Variants in TRABD2B observed in about 807,000 individuals in gnomAD.
The protein encoded by TRABD2B is TraB domain containing 2B.
Under a neutral mutation model 40.1 loss-of-function variants are expected in TRABD2B, and 14 were observed. The ratio of observed to expected loss-of-function variants is 0.35; its 90% confidence interval spans 0.23 to 0.55. The LOEUF (loss-of-function observed/expected upper bound fraction) is 0.55, where lower values mean the gene tolerates loss of function less well. Ranked by LOEUF, TRABD2B falls within the 20% of genes least tolerant of loss-of-function variation. TRABD2B has a pLI of 0.90. For missense variants in TRABD2B, 541 were observed against 648.6 expected (o/e 0.83, Z 1.80); for synonymous variants, 263 against 277.0 (o/e 0.95, Z 0.50).
intron 2 of TRABD2B, among the ~76,000 whole-genome samples, chr1:47,821,467 A>G (rs1387835019): frequency 2.0e-5 from 3 of 152,232 alleles, no homozygotes; most frequent in Non-Finnish European, 4.4e-5. Flanking sequence ...AGCAGAAATG[A>G]ATAGCCCCAA....
intron 2 of TRABD2B, among the ~76,000 whole-genome samples, chr1:47,804,250 T>C (rs1052251285): frequency 6.6e-6 from 1 of 152,216 alleles, no homozygotes; most frequent in African/African-American, 2.4e-5. Flanking sequence ...AAATCTGATA[T>C]GTAGCCATCT....
At chr1:47,961,637 G>T (rs1645517545) in intron 2 of TRABD2B, among the ~76,000 whole-genome samples, 1 of 152,176 alleles carries the variant, frequency 6.6e-6, no homozygotes, top group Admixed American at 6.5e-5. Flanking sequence ...GGCCATCAGA[G>T]AAATGCAAAT....
intron 2 of TRABD2B, among the ~76,000 whole-genome samples, chr1:47,868,008 G>C (rs1024135541): frequency 2.6e-5 from 4 of 152,146 alleles, no homozygotes; most frequent in African/African-American, 7.2e-5. Flanking sequence ...TGTTTGAAAG[G>C]GGTAGGAGGT....
chr1:47,965,943 C>T (rs551635377), intron 2 of TRABD2B, among the ~76,000 whole-genome samples: 2 of 152,156 alleles, frequency 1.3e-5, no homozygotes, highest in South Asian at 2.1e-4. Context: ...GCAGCAGACA[C>T]CCCTCACTGT....
chr1:47,768,729 G>T (rs573854333), intron 6 of TRABD2B, among the ~76,000 whole-genome samples: 32 of 152,316 alleles, frequency 2.1e-4, no homozygotes, highest in African/African-American at 7.2e-4. Context: ...GCTAGAAGAG[G>T]TTGGCTATTT....
intron 2 of TRABD2B, among the ~76,000 whole-genome samples, chr1:47,825,438 C>T (rs556590528): frequency 6.6e-6 from 1 of 152,314 alleles, no homozygotes; most frequent in East Asian, 1.9e-4. Flanking sequence ...TCATGAGTCT[C>T]CCAAGACCCC....
At chr1:47,889,429 GCTTGT>G (rs1205421556) in intron 2 of TRABD2B, among the ~76,000 whole-genome samples, 3 of 152,218 alleles carry the variant, frequency 2.0e-5, no homozygotes, top group African/African-American at 7.2e-5. Flanking sequence ...ACGGTATGTG[GCTTGT>G]CATGTCACAT....
chr1:47,948,178 C>T (rs1645286376), intron 2 of TRABD2B, among the ~76,000 whole-genome samples: 1 of 152,076 alleles, frequency 6.6e-6, no homozygotes, highest in South Asian at 2.1e-4. Context: ...CTAATAGGCT[C>T]TGGGACAGTG....
Position 47,930,639 on chromosome 1 carries a change from A to G in TRABD2B, c.666+63395T>C, listed in dbSNP as rs144086055. Among the ~76,000 whole-genome samples, 104 of 152,262 alleles carry G rather than the reference A, an allele frequency of 6.8e-4. 1 individual carries two copies. The highest frequency in any genetic ancestry group is 2.5e-3 in the African/African-American group (102 of 41,552). On this transcript the variant is annotated intron_variant, in intron 2 of 6. Transcript: ENST00000606738. The stretch of plus-strand genomic sequence containing the variant: ...TATAGTTGGCAACAAACAGGTGGAG[A>G]CTAATTTTGCCTTCATCCTCTGGTC...
intron 2 of TRABD2B, among the ~76,000 whole-genome samples, chr1:47,903,235 T>C (rs940391230): frequency 5.3e-5 from 8 of 152,142 alleles, no homozygotes; most frequent in Non-Finnish European, 1.0e-4. Context: ...CAAATTGCCT[T>C]GGGGCTTCTA....
chr1:47,803,738 G>T (rs3862274), intron 2 of TRABD2B, among the ~76,000 whole-genome samples: 103,234 of 152,120 alleles, frequency 0.68, 35,576 homozygotes, highest in East Asian at 0.98. Flanking sequence ...GAATTGTGTC[G>T]TGTTCATTTT....
chr1:47,974,290 C>T (rs1006246265), intron 2 of TRABD2B, among the ~76,000 whole-genome samples: 1 of 152,136 alleles, frequency 6.6e-6, no homozygotes, highest in Admixed American at 6.5e-5. Flanking sequence ...TACATCCTTT[C>T]TGTCCCTTAA....
At chr1:47,980,659 A>C (rs1030135349) in intron 2 of TRABD2B, among the ~76,000 whole-genome samples, 4 of 152,192 alleles carry the variant, frequency 2.6e-5, no homozygotes, top group Non-Finnish European at 5.9e-5. Flanking sequence ...GAAGCATCCC[A>C]GCCATCTAGA....
chr1:47,821,872 A>G (rs951870647), intron 2 of TRABD2B, among the ~76,000 whole-genome samples: 1 of 152,090 alleles, frequency 6.6e-6, no homozygotes, highest in African/African-American at 2.4e-5. Context: ...GCAGATGCAG[A>G]CATTTGAGGA....
At chr1:47,983,511 C>A (rs1029460978) in intron 2 of TRABD2B, among the ~76,000 whole-genome samples, 27 of 152,208 alleles carry the variant, frequency 1.8e-4, no homozygotes. Flanking sequence ...CAGTCAAGGT[C>A]AAGCACAATG....
chr1:47,876,500 A>G (rs1644227148), intron 2 of TRABD2B, among the ~76,000 whole-genome samples: 1 of 152,172 alleles, frequency 6.6e-6, no homozygotes, highest in African/African-American at 2.4e-5. Flanking sequence ...TAGCTGGGAG[A>G]CAGACTAAGT....
intron 2 of TRABD2B, among the ~76,000 whole-genome samples, chr1:47,814,596 C>T (rs1284537173): frequency 6.6e-6 from 1 of 152,222 alleles, no homozygotes; most frequent in Non-Finnish European, 1.5e-5. Context: ...ACTGCCCCCG[C>T]TCTCCTTCCC....
intron 2 of TRABD2B, among the ~76,000 whole-genome samples, chr1:47,879,472 C>G (rs996202009): frequency 6.6e-6 from 1 of 152,168 alleles, no homozygotes; most frequent in Non-Finnish European, 1.5e-5. Flanking sequence ...ATCAGACAGC[C>G]TAGGTGTGTA....
intron 2 of TRABD2B, among the ~76,000 whole-genome samples, chr1:47,918,525 C>A (rs139652886): frequency 5.1e-4 from 78 of 152,268 alleles, no homozygotes; most frequent in Non-Finnish European, 9.1e-4. Flanking sequence ...AACACAGTGG[C>A]CTTCACTGCT....
Sources: gnomAD v4.1 joint callset for allele counts (sites outside exome capture counted in the v4.1 genomes callset) on GRCh38, gnomAD v4.1.1 for gene constraint, MANE v1.5 for transcripts, NCBI Gene and HGNC (gene_info 2026-07-23, HGNC 2026-07-21) for gene names.